Variants in RORA observed in about 807,000 individuals in gnomAD.
The protein encoded by RORA is RAR related orphan receptor A.
RORA carries 7 observed loss-of-function variants against 69.5 expected under a neutral mutation model. That is an observed-to-expected ratio of 0.10 (90% CI 0.06 to 0.19). The LOEUF is 0.19. Among genes scored for constraint, RORA ranks in the 10% least tolerant of loss-of-function variants. RORA has a pLI of 1.00. For synonymous variants in RORA, 261 were observed against 240.8 expected (o/e 1.08, Z -0.78); for missense variants, 457 against 663.0 (o/e 0.69, Z 3.41).
intron 2 of RORA, among the ~76,000 whole-genome samples, chr15:60,659,724 GACA>G (rs912922757): frequency 1.3e-5 from 2 of 152,030 alleles, no homozygotes; most frequent in Admixed American, 6.6e-5. Flanking sequence ...ATAAATCACA[GACA>G]ACAAGGAGGT....
intron 1 of RORA, among the ~76,000 whole-genome samples, chr15:60,838,380 G>A (rs557609988): frequency 1.3e-5 from 2 of 152,330 alleles, no homozygotes; most frequent in South Asian, 4.1e-4. Context: ...ACATCCAGAT[G>A]TCTGGCATGG....
intron 1 of RORA, among the ~76,000 whole-genome samples, chr15:60,703,040 G>A (rs2071006817): frequency 1.3e-5 from 2 of 152,026 alleles, no homozygotes; most frequent in Admixed American, 1.3e-4. Flanking sequence ...ATTAAGTTTA[G>A]AGCAAGGGAA....
chr15:61,016,568 C>T (rs1895295769), intron 1 of RORA, among the ~76,000 whole-genome samples: 1 of 152,152 alleles, frequency 6.6e-6, no homozygotes, highest in Non-Finnish European at 1.5e-5. Context: ...TTTTAAAGAA[C>T]ACTCCTTGGA....
intron 1 of RORA, among the ~76,000 whole-genome samples, chr15:60,987,511 T>C (rs1390335039): frequency 6.6e-6 from 1 of 152,214 alleles, no homozygotes; most frequent in Admixed American, 6.5e-5. Flanking sequence ...TGCTCAAAAA[T>C]GGTAAGTATT....
chr15:61,177,867 C>T (rs935445895), intron 1 of RORA, among the ~76,000 whole-genome samples: 2 of 151,432 alleles, frequency 1.3e-5, no homozygotes, highest in Non-Finnish European at 2.9e-5. Context: ...GAGGCTGAGC[C>T]AGGAGAATCC....
chr15:60,951,097 C>T (rs1893079004), intron 1 of RORA, among the ~76,000 whole-genome samples: 2 of 151,852 alleles, frequency 1.3e-5, no homozygotes, highest in Admixed American at 6.6e-5. Context: ...ATCTCTCAGA[C>T]CACAGTGCAA....
chr15:60,506,571 G>A (rs530394433), intron 5 of RORA, among the ~76,000 whole-genome samples: 1 of 152,326 alleles, frequency 6.6e-6, no homozygotes, highest in African/African-American at 2.4e-5. Flanking sequence ...GGAAGAGATT[G>A]GCTGGGTGTG....
At chr15:60,764,624 T>A (rs997918057) in intron 1 of RORA, 1 of 152,186 alleles carries the variant, frequency 6.6e-6, no homozygotes, top group Non-Finnish European at 1.5e-5. Context: ...CATGGAAACC[T>A]AATTAGAGAT....
chr15:60,539,722 CT>C (rs151161582), intron 2 of RORA, among the ~76,000 whole-genome samples: 17 of 149,036 alleles, frequency 1.1e-4, no homozygotes, highest in East Asian at 7.8e-4. Flanking sequence ...CAATACAATC[CT>C]TTTTTTTTTC....
In RORA at chr15:60,983,574, C is replaced by T. The variant is rs193239565; in HGVS notation, c.166+245479G>A. 9.1e-4 allele frequency among the ~76,000 whole-genome samples: 138 copies of T among 152,280 alleles called. 3 individuals carry two copies. In the South Asian group the frequency reaches 0.015, roughly 17 times the overall value. On this transcript the variant is annotated intron_variant, in intron 1 of 10. Transcript: ENST00000335670. ...TCTGAAGCCTGCTACCCAGAGGCTT[C>T]ATCTACATAATAAGAACCTTGGTCT...
intron 1 of RORA, chr15:60,765,304 T>C (rs1396028595): frequency 6.6e-6 from 1 of 152,118 alleles, no homozygotes; most frequent in Non-Finnish European, 1.5e-5. Flanking sequence ...ATAAATTCAA[T>C]GTGTGCCCAC....
chr15:61,160,282 T>C (rs762184677), intron 1 of RORA, among the ~76,000 whole-genome samples: 22 of 152,204 alleles, frequency 1.4e-4, no homozygotes, highest in Non-Finnish European at 2.6e-4. Context: ...TCCCTGTTTA[T>C]AGATACTAGC....
At chr15:60,527,546 C>T (rs75882069) in intron 3 of RORA, among the ~76,000 whole-genome samples, 3,874 of 152,258 alleles carry the variant, frequency 0.025, 171 homozygotes, top group African/African-American at 0.09. Flanking sequence ...CATGCTCACC[C>T]AAGGCTGAAA....
At chr15:61,224,844 C>G (rs1333990803) in intron 1 of RORA, among the ~76,000 whole-genome samples, 2 of 152,174 alleles carry the variant, frequency 1.3e-5, no homozygotes, top group African/African-American at 4.8e-5. Context: ...TGTGCTACAG[C>G]CCCCACCTCT....
intron 2 of RORA, among the ~76,000 whole-genome samples, chr15:60,666,174 T>C (rs1452812386): frequency 6.6e-6 from 1 of 151,442 alleles, no homozygotes; most frequent in Non-Finnish European, 1.5e-5. Context: ...TAATTTTTTT[T>C]TTTTTTTTTT....
In RORA at chr15:60,610,198, T is replaced by TCACACACACA. The variant is rs10674463; in HGVS notation, c.196+68449_196+68458dup. ...CAATCATTCTAAAGTGTCGTGTAAG[T>TCACACACACA]CACACACACACACACACACACACAC... On this transcript the variant is annotated intron_variant, in intron 2 of 10. Coordinates refer to ENST00000335670, the MANE Select transcript of RORA (RefSeq NM_134261.3). Among the ~76,000 whole-genome samples, 585 of 148,468 alleles carry TCACACACACA rather than the reference T, an allele frequency of 3.9e-3. 2 individuals are homozygous for TCACACACACA. The highest frequency in any genetic ancestry group is 0.018 in the South Asian group (84 of 4,618).
intron 1 of RORA, among the ~76,000 whole-genome samples, chr15:60,988,670 C>T (rs908486765): frequency 6.6e-5 from 10 of 152,208 alleles, no homozygotes; most frequent in African/African-American, 2.4e-4. Flanking sequence ...CTGTAGCTGT[C>T]TCTGTCTATT....
intron 1 of RORA, among the ~76,000 whole-genome samples, chr15:61,099,988 C>A (rs1442195306): frequency 1.3e-5 from 2 of 151,650 alleles, no homozygotes; most frequent in Non-Finnish European, 2.9e-5. Context: ...AAGAAGGAAA[C>A]AAGTCTGATA....
intron 1 of RORA, among the ~76,000 whole-genome samples, chr15:60,940,909 G>A (rs1892674971): frequency 6.6e-6 from 1 of 152,194 alleles, no homozygotes; most frequent in African/African-American, 2.4e-5. Flanking sequence ...CCTGGCAGCA[G>A]AGTGAGACTC....
Sources: allele counts gnomAD v4.1 joint callset (sites outside exome capture counted in the v4.1 genomes callset), GRCh38; gene constraint gnomAD v4.1.1; transcripts MANE v1.5; gene names NCBI Gene and HGNC (gene_info 2026-07-23, HGNC 2026-07-21).